STRIP2: variants seen among roughly 807,000 people sequenced by gnomAD.
STRIP2 encodes striatin interacting protein 2.
Under a neutral mutation model 107.1 loss-of-function variants are expected in STRIP2, and 84 were observed. The ratio of observed to expected loss-of-function variants is 0.78; its 90% CI spans 0.66 to 0.94. The LOEUF is 0.94. Among genes scored for constraint, STRIP2 ranks in the 40% least tolerant of loss-of-function variants. The pLI, the probability that STRIP2 is intolerant of heterozygous loss-of-function variation, is 0.00. For synonymous variants in STRIP2, 394 were observed against 400.4 expected, an observed-to-expected ratio of 0.98 and a Z score of 0.19; for missense variants, 888 against 1,034.2, an observed-to-expected ratio of 0.86 and a Z score of 1.94.
chr7:129,446,552 T>C (rs1798040363), intron 3 of STRIP2, among the ~76,000 whole-genome samples: 1 of 152,204 alleles, frequency 6.6e-6, no homozygotes, highest in South Asian at 2.1e-4. Flanking sequence ...TTCAGGGATG[T>C]CCTAGAAAGG....
At chr7:129,467,594 G>A (rs1206033074) in intron 17 of STRIP2, 144 bp downstream of exon 17, 3 of 550,194 alleles carry the variant, frequency 5.5e-6, no homozygotes, top group Non-Finnish European at 9.5e-6. Flanking sequence ...TTTCCTTGAA[G>A]TGTTAGCTGA....
chr7:129,451,608 C>G lies in STRIP2; in HGVS notation c.275-5C>G. The G allele has an allele frequency of 6.2e-7, 1 of 1,613,890 alleles. No individual in the cohort carries two copies. ...CACTGGATGTATATGGCCTTTTATT[C>G]CCAGTGCAGGGCAAGGAATGGCTGG... is the stretch of plus-strand genomic sequence containing the variant. On this transcript the variant is annotated splice_polypyrimidine_tract_variant and splice_region_variant and intron_variant, in intron 3 of 20. Transcript: ENST00000249344.
At chr7:129,459,391 G>A in intron 11 of STRIP2, 126 bp from the exon 12 acceptor site, 1 of 754,304 alleles carries the variant, frequency 1.3e-6, no homozygotes, top group East Asian at 2.5e-5. Context: ...TGCAGAGGAA[G>A]GTCTAGGGTA....
chr7:129,465,855 T>G (rs1042846681), intron 16 of STRIP2, among the ~76,000 whole-genome samples: 31 of 152,150 alleles, frequency 2.0e-4, no homozygotes, highest in African/African-American at 7.2e-4. Context: ...TCTACCCCAT[T>G]TTCCTCCTAA....
chr7:129,482,357 A>C (rs1965174), intron 19 of STRIP2, among the ~76,000 whole-genome samples: 23,171 of 93,870 alleles, frequency 0.25, 2,871 homozygotes, highest in African/African-American at 0.32. Context: ...CTCTCTCTCT[A>C]TATATATATA....
intron 1 of STRIP2, among the ~76,000 whole-genome samples, chr7:129,437,532 G>A (rs1276670273): frequency 6.6e-6 from 1 of 152,000 alleles, no homozygotes; most frequent in East Asian, 1.9e-4. Flanking sequence ...CAGTTTGTGT[G>A]TGTGTGTGTG....
intron 3 of STRIP2, among the ~76,000 whole-genome samples, chr7:129,446,375 A>G (rs534891933): frequency 6.6e-6 from 1 of 152,294 alleles, no homozygotes; most frequent in African/African-American, 2.4e-5. Context: ...CCAATTTTCC[A>G]ATCATGCTTC....
intron 13 of STRIP2, among the ~76,000 whole-genome samples, chr7:129,462,661 G>A (rs1024427133): frequency 1.3e-5 from 2 of 151,144 alleles, no homozygotes; most frequent in Non-Finnish European, 3.0e-5. Flanking sequence ...CTTACAGAAC[G>A]TTCTAGAGTT....
intron 19 of STRIP2, 76 bp downstream of exon 19, chr7:129,480,965 G>A: frequency 8.7e-7 from 1 of 1,154,484 alleles, no homozygotes; most frequent in Non-Finnish European, 1.3e-6. Context: ...ATATTTGTGT[G>A]CTACCTGGTT....
At chr7:129,443,066 G>T (rs1797943205) in intron 2 of STRIP2, among the ~76,000 whole-genome samples, 1 of 148,304 alleles carries the variant, frequency 6.7e-6, no homozygotes, top group Non-Finnish European at 1.5e-5. Context: ...AAGAGACAGA[G>T]TCTTATTCTG....
chr7:129,434,639 C>T (rs1007309779), intron 1 of STRIP2, 38 bp downstream of exon 1: 65 of 1,436,244 alleles, frequency 4.5e-5, no homozygotes, highest in Non-Finnish European at 5.7e-5. Flanking sequence ...GGCCCGGAGA[C>T]GCCCGCCGGC....
intron 3 of STRIP2, among the ~76,000 whole-genome samples, chr7:129,448,484 C>G (rs1319882115): frequency 2.6e-5 from 4 of 152,224 alleles, no homozygotes; most frequent in Non-Finnish European, 5.9e-5. Context: ...GGTCTATTAA[C>G]TGGCTCAAGT....
chr7:129,453,086 T>C (rs770930550), intron 4 of STRIP2, 141 bp from the exon 5 acceptor site: 48 of 1,195,836 alleles, frequency 4.0e-5, no homozygotes, highest in Non-Finnish European at 5.2e-5. Flanking sequence ...TTCCAGGAAG[T>C]TCTTGGGGCC....
chr7:129,436,115 G>GT (rs1797731874), intron 1 of STRIP2, among the ~76,000 whole-genome samples: 1 of 152,068 alleles, frequency 6.6e-6, no homozygotes, highest in Non-Finnish European at 1.5e-5. Context: ...CAGAGACATT[G>GT]TTCTCGTTCA....
At chr7:129,437,813 T>C (rs957796210) in intron 1 of STRIP2, among the ~76,000 whole-genome samples, 1 of 148,000 alleles carries the variant, frequency 6.8e-6, no homozygotes, top group Non-Finnish European at 1.5e-5. Context: ...TTTTTTTTGT[T>C]TTTTTTTTTT....
At chr7:129,460,179 C>T in intron 12 of STRIP2, 122 bp from the exon 13 acceptor site, 1 of 756,284 alleles carries the variant, frequency 1.3e-6, no homozygotes, top group Admixed American at 2.9e-5. Flanking sequence ...GAGTTCATGT[C>T]TATGTGGGGT....
At chr7:129,479,787 C>T (rs747398773) in intron 18 of STRIP2, among the ~76,000 whole-genome samples, 17 of 152,180 alleles carry the variant, frequency 1.1e-4, no homozygotes, top group Admixed American at 2.0e-4. Flanking sequence ...CTACCACAAC[C>T]GACCTATAAA....
chr7:129,482,334 TCTCTC>T (rs1343509928), intron 19 of STRIP2, among the ~76,000 whole-genome samples: 1 of 38,690 alleles, frequency 2.6e-5, no homozygotes, highest in African/African-American at 6.3e-5. Flanking sequence ...ATGGAATAGT[TCTCTC>T]TCTCTCTCTC....
At chr7:129,472,516 G>A (rs1798811203) in intron 18 of STRIP2, among the ~76,000 whole-genome samples, 1 of 152,090 alleles carries the variant, frequency 6.6e-6, no homozygotes, top group Non-Finnish European at 1.5e-5. Context: ...AAGCAATAGT[G>A]GCACCTGGTG....
Sources: allele counts gnomAD v4.1 joint callset (sites outside exome capture counted in the v4.1 genomes callset), GRCh38; gene constraint gnomAD v4.1.1; transcripts MANE v1.5; gene names NCBI Gene and HGNC (gene_info 2026-07-23, HGNC 2026-07-21).